Variants in NSUN6 observed in about 807,000 individuals in gnomAD.
NSUN6 encodes tRNA (cytosine(72)-C(5))-methyltransferase NSUN6.
In NSUN6, 64 loss-of-function variants were observed where a neutral mutation model predicts 58.0. The observed-to-expected ratio is 1.10, with a 90% CI of 0.90 to 1.36. The LOEUF (loss-of-function observed/expected upper bound fraction) is 1.36. Among genes scored for constraint, NSUN6 ranks in the 40% most tolerant of loss-of-function variants. The probability of loss-of-function intolerance (pLI) is 0.00; values close to 1 mark genes in which losing one functional copy is unlikely to be tolerated. For missense variants in NSUN6, 701 were observed against 550.1 expected, an observed-to-expected ratio of 1.27 and a Z score of -2.74; for synonymous variants, 231 against 193.9, an observed-to-expected ratio of 1.19 and a Z score of -1.59.
intron 8 of NSUN6, among the ~76,000 whole-genome samples, chr10:18,572,887 C>A (rs1476535864): frequency 1.3e-5 from 2 of 151,204 alleles, no homozygotes; most frequent in Non-Finnish European, 1.5e-5. Flanking sequence ...CCATTTCATT[C>A]CATTCTCCAT....
chr10:18,619,894 CACATA>C (rs2131379920), intron 3 of NSUN6, among the ~76,000 whole-genome samples: 1 of 152,100 alleles, frequency 6.6e-6, no homozygotes, highest in African/African-American at 2.4e-5. Context: ...TGTGGTATCA[CACATA>C]ACATTTCATT....
intron 3 of NSUN6, among the ~76,000 whole-genome samples, chr10:18,642,237 G>T (rs917731453): frequency 5.3e-5 from 8 of 152,004 alleles, no homozygotes; most frequent in Non-Finnish European, 1.2e-4. Context: ...AAACATCACT[G>T]CACTAAATGG....
At chr10:18,618,010 T>G (rs1335925617) in intron 3 of NSUN6, among the ~76,000 whole-genome samples, 2 of 152,238 alleles carry the variant, frequency 1.3e-5, no homozygotes, top group Admixed American at 1.3e-4. Flanking sequence ...TCAGGTATTC[T>G]GCTATAGCAG....
intron 7 of NSUN6, among the ~76,000 whole-genome samples, chr10:18,586,871 C>T (rs936952608): frequency 6.6e-6 from 1 of 152,168 alleles, no homozygotes; most frequent in African/African-American, 2.4e-5. Flanking sequence ...CTGATTGGTC[C>T]ATTTTACACA....
chr10:18,647,405 C>A (rs1001001359), intron 2 of NSUN6, among the ~76,000 whole-genome samples: 17 of 152,262 alleles, frequency 1.1e-4, no homozygotes, highest in African/African-American at 2.4e-4. Flanking sequence ...TACCTCTCAG[C>A]ATCTATTCTT....
intron 3 of NSUN6, among the ~76,000 whole-genome samples, chr10:18,622,657 A>G (rs1457259007): frequency 6.6e-6 from 1 of 152,206 alleles, no homozygotes; most frequent in Non-Finnish European, 1.5e-5. Context: ...TGCAGTGAGC[A>G]GAGATCGTGC....
At chr10:18,601,595 C>A (rs1039308195) in intron 6 of NSUN6, among the ~76,000 whole-genome samples, 1 of 152,154 alleles carries the variant, frequency 6.6e-6, no homozygotes, top group Non-Finnish European at 1.5e-5. Context: ...CTGAGGTTCC[C>A]TACATTGCTG....
intron 7 of NSUN6, among the ~76,000 whole-genome samples, chr10:18,594,636 G>C (rs913504372): frequency 6.6e-6 from 1 of 152,078 alleles, no homozygotes; most frequent in African/African-American, 2.4e-5. Context: ...ATTTTTAGTA[G>C]AGATGGGGTT....
intron 10 of NSUN6, among the ~76,000 whole-genome samples, chr10:18,547,845 G>A (rs2054375885): frequency 6.6e-6 from 1 of 152,074 alleles, no homozygotes; most frequent in Non-Finnish European, 1.5e-5. Context: ...AACATGAATA[G>A]CTACAAGGGG....
At chr10:18,555,441 G>C (rs1343957851) in intron 8 of NSUN6, among the ~76,000 whole-genome samples, 1 of 151,282 alleles carries the variant, frequency 6.6e-6, no homozygotes, top group Admixed American at 6.6e-5. Context: ...TTGGAGAATG[G>C]AACAGAGTGG....
chr10:18,546,235 G>T, intron 10 of NSUN6, 90 bp from the exon 11 acceptor site: 1 of 900,558 alleles, frequency 1.1e-6, no homozygotes, highest in Non-Finnish European at 1.9e-6. Flanking sequence ...AAATTGGGCT[G>T]TAACGACTAC....
At chr10:18,629,899 C>T (rs1047776910) in intron 3 of NSUN6, among the ~76,000 whole-genome samples, 365 of 150,036 alleles carry the variant, frequency 2.4e-3, no homozygotes, top group South Asian at 4.1e-3. Flanking sequence ...CTGCACCAAG[C>T]GGACCTAATA....
rs1326028327 is a variant in NSUN6 at position 18,586,092 on chromosome 10, C to T, written c.779G>A (p.Gly260Glu). ...THIAALMHDQGEVIALDKIFN... is the reference protein window; with the variant it reads ...THIAALMHDQEEVIALDKIFN... ...GATTTTATCCAGTGCTATAACTTCT[C>T]CCTAAAAAGAAACAAAACACACACA... Residue 260 changes from glycine to glutamate, a missense_variant and splice_region_variant, in exon 8 of 11, where the codon GGA (glycine) becomes GAA (glutamate). Transcript: ENST00000377304. The T allele has an allele frequency of 5.1e-6, 8 of 1,558,046 alleles. No individual in the cohort carries two copies. Among genetic ancestry groups the T allele is most frequent in the Non-Finnish European group, 6.9e-6 (8 of 1,157,530 alleles).
At chr10:18,598,384 C>T (rs1021556012) in intron 6 of NSUN6, among the ~76,000 whole-genome samples, 4 of 152,220 alleles carry the variant, frequency 2.6e-5, no homozygotes, top group East Asian at 1.9e-4. Flanking sequence ...CACATGGACA[C>T]GTGAGACACT....
At chr10:18,616,363 T>C (rs886345691) in intron 3 of NSUN6, 70 bp from the exon 4 acceptor site, 10 of 890,136 alleles carry the variant, frequency 1.1e-5, no homozygotes, top group African/African-American at 3.3e-5. Flanking sequence ...TCCCGTGTTC[T>C]ATCTGAACTC....
chr10:18,590,945 T>C (rs183414719), intron 7 of NSUN6, among the ~76,000 whole-genome samples: 3 of 152,124 alleles, frequency 2.0e-5, no homozygotes, highest in African/African-American at 4.8e-5. Flanking sequence ...AAAGAATGAA[T>C]TGAGGAGCTG....
intron 5 of NSUN6, among the ~76,000 whole-genome samples, chr10:18,610,367 T>C (rs901766868): frequency 1.6e-4 from 24 of 152,218 alleles, no homozygotes; most frequent in Admixed American, 1.4e-3. Context: ...AGAACTCTTT[T>C]TATTAAACAA....
At chr10:18,635,589 T>A (rs1268642794) in intron 3 of NSUN6, among the ~76,000 whole-genome samples, 2 of 152,096 alleles carry the variant, frequency 1.3e-5, no homozygotes, top group Admixed American at 1.3e-4. Flanking sequence ...GTAATCCCAG[T>A]ACTTTGGGAA....
At chr10:18,623,403 C>G (rs191592646) in intron 3 of NSUN6, among the ~76,000 whole-genome samples, 3 of 152,174 alleles carry the variant, frequency 2.0e-5, no homozygotes, top group South Asian at 2.1e-4. Context: ...AACTAAGAAA[C>G]AGCTATAATT....
Sources: allele counts gnomAD v4.1 joint callset (sites outside exome capture counted in the v4.1 genomes callset), GRCh38; gene constraint gnomAD v4.1.1; transcripts MANE v1.5; gene names NCBI Gene and HGNC (gene_info 2026-07-23, HGNC 2026-07-21).